FBXL7: variants seen among roughly 807,000 people sequenced by gnomAD.
The protein encoded by FBXL7 is F-box and leucine rich repeat protein 7, also known as F-box/LRR-repeat protein 7.
In FBXL7, 12 loss-of-function variants were observed where a neutral mutation model predicts 38.3. The observed-to-expected ratio is 0.31, with a 90% CI of 0.20 to 0.51. FBXL7 has a LOEUF of 0.51. FBXL7 is among the 20% of genes least tolerant of loss of function. The pLI is 0.98. For synonymous variants in FBXL7, 297 were observed against 300.9 expected (o/e 0.99, Z 0.13); for missense variants, 567 against 676.4 (o/e 0.84, Z 1.79).
At chr5:15,731,432 G>T (rs1735580861) in intron 2 of FBXL7, among the ~76,000 whole-genome samples, 1 of 152,162 alleles carries the variant, frequency 6.6e-6, no homozygotes, top group South Asian at 2.1e-4. Context: ...CACAGGAACA[G>T]CATGGGAAAG....
At chr5:15,552,931 A>C (rs528000991) in intron 1 of FBXL7, among the ~76,000 whole-genome samples, 1 of 152,190 alleles carries the variant, frequency 6.6e-6, no homozygotes, top group East Asian at 1.9e-4. Flanking sequence ...AAAATACAAA[A>C]ATTAGCCAGG....
At chr5:15,536,718 A>T (rs1442351215) in intron 1 of FBXL7, among the ~76,000 whole-genome samples, 4 of 152,158 alleles carry the variant, frequency 2.6e-5, no homozygotes, top group African/African-American at 7.2e-5. Context: ...CTTGGCTCAG[A>T]TGAGACCTTG....
At chr5:15,565,454 C>G (rs1314141440) in intron 1 of FBXL7, among the ~76,000 whole-genome samples, 1 of 151,392 alleles carries the variant, frequency 6.6e-6, no homozygotes, top group African/African-American at 2.4e-5. Flanking sequence ...GAAACAGAAC[C>G]AATAGGAGAT....
At chr5:15,634,695 T>A (rs1034715668) in intron 2 of FBXL7, among the ~76,000 whole-genome samples, 2 of 152,198 alleles carry the variant, frequency 1.3e-5, no homozygotes, top group African/African-American at 2.4e-5. Flanking sequence ...CAAATCTGTC[T>A]GACAGTTCGG....
intron 2 of FBXL7, among the ~76,000 whole-genome samples, chr5:15,630,083 C>A (rs997144900): frequency 6.6e-6 from 1 of 152,106 alleles, no homozygotes; most frequent in Admixed American, 6.5e-5. Flanking sequence ...TTCTATTTTA[C>A]ATTTTCAGCA....
chr5:15,890,685 C>A (rs916457874), intron 2 of FBXL7, among the ~76,000 whole-genome samples: 6 of 152,078 alleles, frequency 3.9e-5, no homozygotes, highest in African/African-American at 1.4e-4. Flanking sequence ...CCCCTCCCTG[C>A]ATGTGTGAAA....
intron 2 of FBXL7, among the ~76,000 whole-genome samples, chr5:15,885,079 C>T (rs1246037865): frequency 6.6e-6 from 1 of 152,186 alleles, no homozygotes; most frequent in Non-Finnish European, 1.5e-5. Context: ...AGGCAGCAGT[C>T]AAGGTGTTGT....
chr5:15,758,287 G>A (rs559697644), intron 2 of FBXL7, among the ~76,000 whole-genome samples: 176 of 150,972 alleles, frequency 1.2e-3, no homozygotes, highest in African/African-American at 4.1e-3. Context: ...GTCTTAAGGC[G>A]AGAAAGGACT....
At chr5:15,672,186 G>T (rs1044552422) in intron 2 of FBXL7, among the ~76,000 whole-genome samples, 2 of 152,138 alleles carry the variant, frequency 1.3e-5, no homozygotes, top group East Asian at 1.9e-4. Flanking sequence ...GTCTTTGTAG[G>T]TATCGTTTGA....
chr5:15,737,413 A>G (rs1290741123), intron 2 of FBXL7, among the ~76,000 whole-genome samples: 1 of 152,176 alleles, frequency 6.6e-6, no homozygotes, highest in Non-Finnish European at 1.5e-5. Flanking sequence ...AGATAGACTT[A>G]CTTCAAAAAC....
intron 1 of FBXL7, among the ~76,000 whole-genome samples, chr5:15,547,176 T>C (rs1737936445): frequency 6.6e-6 from 1 of 152,232 alleles, no homozygotes; most frequent in Non-Finnish European, 1.5e-5. Flanking sequence ...TCCTGGTTTG[T>C]GAGCTCCTTC....
At chr5:15,795,696 T>C (rs1737398199) in intron 2 of FBXL7, among the ~76,000 whole-genome samples, 1 of 152,174 alleles carries the variant, frequency 6.6e-6, no homozygotes, top group Non-Finnish European at 1.5e-5. Context: ...GAAGCAAGTA[T>C]GGATGCCACA....
At chr5:15,765,427 T>C (rs1736559923) in intron 2 of FBXL7, among the ~76,000 whole-genome samples, 1 of 152,112 alleles carries the variant, frequency 6.6e-6, no homozygotes, top group African/African-American at 2.4e-5. Flanking sequence ...ATAATCAATA[T>C]AGTAACAAAT....
At chr5:15,560,387 G>C (rs183422126) in intron 1 of FBXL7, among the ~76,000 whole-genome samples, 22 of 152,246 alleles carry the variant, frequency 1.4e-4, no homozygotes, top group Admixed American at 1.4e-3. Context: ...TAAATCAAGT[G>C]ATGCTTGGAA....
At chr5:15,535,628 T>G (rs1580356662) in intron 1 of FBXL7, among the ~76,000 whole-genome samples, 1 of 152,182 alleles carries the variant, frequency 6.6e-6, no homozygotes, top group Non-Finnish European at 1.5e-5. Context: ...GAGCAGAAAT[T>G]TCTAAGCAGC....
At chr5:15,564,106 T>C (rs1038828070) in intron 1 of FBXL7, among the ~76,000 whole-genome samples, 17 of 152,088 alleles carry the variant, frequency 1.1e-4, no homozygotes, top group African/African-American at 3.9e-4. Context: ...TACTGAACCA[T>C]TTGGTTACCA....
chr5:15,579,951 T>A (rs1739083278), intron 1 of FBXL7, among the ~76,000 whole-genome samples: 1 of 152,216 alleles, frequency 6.6e-6, no homozygotes. Flanking sequence ...TTGGCTTTTA[T>A]GACAGCCTGG....
At chr5:15,780,024 A>T (rs1478631989) in intron 2 of FBXL7, among the ~76,000 whole-genome samples, 1 of 152,148 alleles carries the variant, frequency 6.6e-6, no homozygotes. Context: ...TCATGTGGGT[A>T]TTGAATATGT....
chr5:15,574,910 C>G (rs142570716), intron 1 of FBXL7, among the ~76,000 whole-genome samples: 3 of 151,042 alleles, frequency 2.0e-5, no homozygotes, highest in Non-Finnish European at 3.0e-5. Context: ...TATCTCTTAG[C>G]CATTCTGACT....
Sources: gnomAD v4.1 joint callset for allele counts (sites outside exome capture counted in the v4.1 genomes callset) on GRCh38, gnomAD v4.1.1 for gene constraint, MANE v1.5 for transcripts, NCBI Gene and HGNC (gene_info 2026-07-23, HGNC 2026-07-21) for gene names.